PCDH11X: variants seen among roughly 807,000 people sequenced by gnomAD.
The protein encoded by PCDH11X is protocadherin-11 X-linked.
A neutral mutation model predicts 53.3 loss-of-function variants in PCDH11X; 18 were observed. That is an observed-to-expected ratio of 0.34 (90% CI 0.23 to 0.50). The LOEUF is 0.50. Ranked by LOEUF, PCDH11X falls within the 20% of genes least tolerant of loss-of-function variation. The pLI is 0.98. For synonymous variants in PCDH11X, 279 were observed against 393.3 expected (o/e 0.71, Z 3.44); for missense variants, 570 against 1,032.4 (o/e 0.55, Z 6.14).
rs185713357 is a variant in PCDH11X at position 91,861,924 on chromosome X, C to A, written c.541-14857C>A. 5.4e-5 allele frequency among the ~76,000 whole-genome samples: 6 copies of A among 110,982 alleles called. No homozygotes were observed. The East Asian group carries it at 1.7e-3, about 31-fold the overall frequency. ...TGCCTAGTCAGTCCCAATGTGAGAA[C>A]CTGGATACCTTAGTTGATGGTGCAG... On this transcript the variant is annotated intron_variant, in intron 5 of 10. Coordinates refer to ENST00000682573, the MANE Select transcript of PCDH11X (RefSeq NM_032968.5).
chrX:92,050,381 T>C (rs2148045951), intron 6 of PCDH11X, among the ~76,000 whole-genome samples: 1 of 107,090 alleles, frequency 9.3e-6, no homozygotes, highest in South Asian at 4.3e-4. Context: ...AGAATGATTT[T>C]CCATCATGAA....
rs759805678 is a variant in PCDH11X, at chrX:92,263,151, T to C, written c.3144+8T>C. The C allele has an allele frequency of 2.6e-6, 3 of 1,171,876 alleles. No homozygotes were observed. Among genetic ancestry groups the C allele is most frequent in the Non-Finnish European group, 3.4e-6 (3 of 870,403 alleles). On this transcript the variant is annotated splice_region_variant and intron_variant, in intron 8 of 10. Coordinates refer to ENST00000682573, the MANE Select transcript of PCDH11X (RefSeq NM_032968.5). Reference sequence around the variant, plus strand: ...GGGAAAGTGGCAGGAAAGGTAAGACTGCAAATTTCAAAGAAAATTGATTTT... The same window carrying C: ...GGGAAAGTGGCAGGAAAGGTAAGACCGCAAATTTCAAAGAAAATTGATTTT...
chrX:91,920,803 G>C (rs1385855547), intron 6 of PCDH11X, among the ~76,000 whole-genome samples: 2 of 109,773 alleles, frequency 1.8e-5, no homozygotes, highest in Non-Finnish European at 3.8e-5. Flanking sequence ...TTCATAATTT[G>C]AGAAATTCTA....
intron 6 of PCDH11X, among the ~76,000 whole-genome samples, chrX:91,915,412 T>C (rs1941519630): frequency 1.8e-5 from 2 of 109,907 alleles, no homozygotes; most frequent in Admixed American, 9.7e-5. Context: ...TGGATAAAAA[T>C]CCACCAACCA....
chrX:91,804,179 T>TA (rs1231665839), intron 1 of PCDH11X, among the ~76,000 whole-genome samples: 1 of 112,063 alleles, frequency 8.9e-6, no homozygotes, highest in Admixed American at 9.6e-5. Flanking sequence ...TTAAACATTT[T>TA]AAAAAATCAT....
chrX:92,068,099 C>T (rs1002286336), intron 6 of PCDH11X, among the ~76,000 whole-genome samples: 1 of 110,161 alleles, frequency 9.1e-6, no homozygotes, highest in Non-Finnish European at 1.9e-5. Flanking sequence ...TTCAAAGAAA[C>T]CAACTTTTCA....
intron 8 of PCDH11X, among the ~76,000 whole-genome samples, chrX:92,269,232 C>T (rs1009933337): frequency 9.0e-6 from 1 of 111,670 alleles, no homozygotes; most frequent in African/African-American, 3.3e-5. Context: ...CATTGTTATC[C>T]TTGGTTTCTC....
intron 10 of PCDH11X, among the ~76,000 whole-genome samples, chrX:92,603,316 G>C (rs1197562843): frequency 1.8e-5 from 2 of 109,068 alleles, no homozygotes; most frequent in Non-Finnish European, 3.8e-5. Context: ...GTTTTTTGTT[G>C]TTTAATCTAT....
intron 6 of PCDH11X, among the ~76,000 whole-genome samples, chrX:92,040,450 G>A (rs891358392): frequency 1.2e-4 from 13 of 109,336 alleles, no homozygotes; most frequent in African/African-American, 4.3e-4. Flanking sequence ...GCTCACCACT[G>A]TGACAGGGCA....
At chrX:92,134,846 C>T (rs779364670) in intron 6 of PCDH11X, among the ~76,000 whole-genome samples, 12 of 110,631 alleles carry the variant, frequency 1.1e-4, no homozygotes, top group African/African-American at 3.6e-4. Flanking sequence ...TTGGTTTTGG[C>T]GGGTTTTAGC....
At chrX:92,131,430 G>T (rs1309396394) in intron 6 of PCDH11X, among the ~76,000 whole-genome samples, 2 of 111,244 alleles carry the variant, frequency 1.8e-5, no homozygotes, top group Non-Finnish European at 3.8e-5. Context: ...ACTTAATTTT[G>T]TTCCCGGACC....
chrX:92,340,242 G>C (rs922827227), intron 8 of PCDH11X, among the ~76,000 whole-genome samples: 3 of 110,940 alleles, frequency 2.7e-5, no homozygotes, highest in African/African-American at 9.9e-5. Flanking sequence ...CCAACAGTTG[G>C]TCTCCTGGGC....
chrX:91,954,669 G>T (rs373940740), intron 6 of PCDH11X, among the ~76,000 whole-genome samples: 198 of 110,652 alleles, frequency 1.8e-3, no homozygotes, highest in Middle Eastern at 4.6e-3. Flanking sequence ...ACATGAGATG[G>T]TATCTCACTG....
chrX:92,348,511 C>CATTTTTATT (rs768476589), intron 8 of PCDH11X, among the ~76,000 whole-genome samples: 1,035 of 93,570 alleles, frequency 0.011, 20 homozygotes, highest in African/African-American at 0.037. Context: ...TCAAAATTAT[C>CATTTTTATT]ATTATTATTA....
At chrX:92,013,584 C>A (rs1346390423) in intron 6 of PCDH11X, among the ~76,000 whole-genome samples, 2 of 111,726 alleles carry the variant, frequency 1.8e-5, no homozygotes, top group Non-Finnish European at 3.8e-5. Context: ...AGTCAATCCT[C>A]AGCCAAAAGA....
At chrX:92,217,897 A>T (rs1226189857) in intron 7 of PCDH11X, among the ~76,000 whole-genome samples, 5 of 110,076 alleles carry the variant, frequency 4.5e-5, no homozygotes, top group African/African-American at 9.9e-5. Flanking sequence ...GGATTAAGAA[A>T]CTCACTCAAA....
At chrX:92,316,498 C>T (rs1450143256) in intron 8 of PCDH11X, among the ~76,000 whole-genome samples, 5 of 111,220 alleles carry the variant, frequency 4.5e-5, no homozygotes, top group South Asian at 3.8e-4. Flanking sequence ...AATAATTGGA[C>T]ACTTTTTTCA....
chrX:92,153,568 A>G (rs1298914022), intron 6 of PCDH11X, among the ~76,000 whole-genome samples: 4 of 111,263 alleles, frequency 3.6e-5, no homozygotes, highest in Non-Finnish European at 7.5e-5. Context: ...TATTTTACTT[A>G]GAGAATGGAG....
At chrX:92,038,255 G>A (rs1469022435) in intron 6 of PCDH11X, among the ~76,000 whole-genome samples, 1 of 103,305 alleles carries the variant, frequency 9.7e-6, no homozygotes, top group African/African-American at 3.6e-5. Context: ...AGGTCTTCAT[G>A]GCAGCCCCTC....
Sources: gnomAD v4.1 joint callset for allele counts (sites outside exome capture counted in the v4.1 genomes callset) on GRCh38, gnomAD v4.1.1 for gene constraint, MANE v1.5 for transcripts, NCBI Gene and HGNC (gene_info 2026-07-23, HGNC 2026-07-21) for gene names.